DTX1: variants seen among roughly 807,000 people sequenced by gnomAD.
DTX1 encodes E3 ubiquitin-protein ligase DTX1.
A neutral mutation model predicts 57.8 loss-of-function variants in DTX1; 26 were observed. That is an observed-to-expected ratio of 0.45 (90% CI 0.33 to 0.62). The LOEUF (loss-of-function observed/expected upper bound fraction) is 0.62. Among genes scored for constraint, DTX1 ranks in the 20% least tolerant of loss-of-function variants. The pLI is 0.02. For synonymous variants in DTX1, 398 were observed against 394.1 expected (o/e 1.01, Z -0.12); for missense variants, 704 against 895.3 (o/e 0.79, Z 2.73).
chr12:113,069,795 A>G lies in DTX1; in HGVS notation c.260-7629A>G, dbSNP rs569556489. Among the ~76,000 whole-genome samples the G allele has an allele frequency of 2.6e-5, 4 of 152,292 alleles. No homozygotes were observed. The East Asian group carries it at 7.7e-4, about 29-fold the overall frequency. On this transcript the variant is annotated intron_variant, in intron 2 of 9. Coordinates refer to ENST00000548759, the MANE Select transcript of DTX1 (RefSeq NM_004416.3). ...TGGGAGATGATGTGTGTGAGCCCCT[A>G]GCACAGTTGCTGGCACTGCGGAGCA...
chr12:113,093,437 A>AGCC lies in DTX1; in HGVS notation c.1004-102_1004-101insGCC. The AGCC allele has an allele frequency of 5.4e-5, 30 of 552,054 alleles. No homozygotes were observed. Among genetic ancestry groups the AGCC allele is most frequent in the Middle Eastern group, 5.6e-4 (1 of 1,780 alleles). 34.2% of individuals were successfully genotyped at this position (552,054 alleles called of 1,614,324 possible). On this transcript the variant is annotated intron_variant, in intron 4 of 9. Coordinates refer to ENST00000548759, the MANE Select transcript of DTX1 (RefSeq NM_004416.3). This position sits in a 1 kb window ranked among gnomAD's most constrained non-coding sequence, Gnocchi z 4.2. ...TGAGTGGGTGGGGCCCAAGAGCGCA[A>AGCC]CCCTCCCACCCACCCGAGGGCCCCG...
chr12:113,096,471 A>G (rs1950296062), intron 9 of DTX1, among the ~76,000 whole-genome samples: 1 of 152,020 alleles, frequency 6.6e-6, no homozygotes, highest in Non-Finnish European at 1.5e-5. Flanking sequence ...AAGAAAAAGA[A>G]AAAAAAGAAA....
At position 113,057,906 on chromosome 12, in the gene DTX1, A is replaced by G. The variant is rs1382256630; in HGVS notation, c.-287A>G. 4.5e-6 allele frequency: 2 copies of G among 444,806 alleles called. No individual in the cohort carries two copies. The highest frequency in any genetic ancestry group is 4.1e-5 in the Admixed American group (1 of 24,560). The allele number at this position is 444,806 out of a possible 1,614,324, so 27.6% of individuals were successfully genotyped here. A position where few individuals can be genotyped will look rare whatever the true frequency, so the allele number is the denominator to read the frequency against. ...CCTACCTGAGCCAGCCGAGGGGGCC[A>G]AGGACTTTAGAGCTGTTTCCTCCGG... is the stretch of plus-strand genomic sequence containing the variant. On this transcript the variant is annotated 5_prime_UTR_variant, in exon 2 of 10. Coordinates refer to ENST00000548759, the MANE Select transcript of DTX1 (RefSeq NM_004416.3).
chr12:113,060,843 G>A (rs2044659309), intron 2 of DTX1, among the ~76,000 whole-genome samples: 1 of 152,188 alleles, frequency 6.6e-6, no homozygotes, highest in South Asian at 2.1e-4. Context: ...CTTGCTAGGA[G>A]GTCTGGTGTT....
At chr12:113,086,347 G>T (rs904379234) in intron 3 of DTX1, among the ~76,000 whole-genome samples, 4 of 152,202 alleles carry the variant, frequency 2.6e-5, no homozygotes, top group African/African-American at 7.2e-5. Context: ...CCCTGAGGCA[G>T]AGTGGGTCTG....
rs1402789555 is a variant in DTX1, at chr12:113,093,111, G to T, written c.942-51G>T. ...CAGAAGGCAAGCCAGGTCCCCTGAC[G>T]TCGCTTCGGGGGCTGGAGTCCAGCT... On this transcript the variant is annotated intron_variant, in intron 3 of 9. Transcript: ENST00000548759. The surrounding 1 kb of genome is among the most constrained non-coding windows in gnomAD (Gnocchi z 4.2). 2.6e-6 allele frequency: 4 copies of T among 1,551,904 alleles called. No individual in the cohort carries two copies. The highest frequency in any genetic ancestry group is 1.4e-5 in the African/African-American group (1 of 73,314).
At chr12:113,088,136 A>G (rs1051346374) in intron 3 of DTX1, among the ~76,000 whole-genome samples, 1 of 152,228 alleles carries the variant, frequency 6.6e-6, no homozygotes, top group African/African-American at 2.4e-5. Context: ...TCCAGGACCC[A>G]GTGCCAGCTG....
intron 3 of DTX1, among the ~76,000 whole-genome samples, chr12:113,086,013 A>G (rs2044854166): frequency 6.6e-6 from 1 of 152,208 alleles, no homozygotes; most frequent in Admixed American, 6.5e-5. Flanking sequence ...CACACCTGTA[A>G]TCCCAGCACT....
chr12:113,093,381 C>T lies in DTX1; in HGVS notation c.1003+158C>T. 1.5e-6 allele frequency: 2 copies of T among 1,335,850 alleles called. No individual in the cohort carries two copies. The highest frequency in any genetic ancestry group is 1.5e-5 in the South Asian group (1 of 65,474). 82.7% of individuals were successfully genotyped at this position (1,335,850 alleles called of 1,614,324 possible). A position where few individuals can be genotyped will look rare whatever the true frequency, so the allele number is the denominator to read the frequency against. The stretch of plus-strand genomic sequence containing the variant: ...CAGGACACAGGGCGGGCGTGGCCCG[C>T]AGAAAGGCCCTTCAGGGGCCTTCAA... On this transcript the variant is annotated intron_variant, in intron 4 of 9. Coordinates refer to ENST00000548759, the MANE Select transcript of DTX1 (RefSeq NM_004416.3). This position sits in a 1 kb window ranked among gnomAD's most constrained non-coding sequence, Gnocchi z 4.2.
chr12:113,083,577 C>T (rs1171178958), intron 3 of DTX1, among the ~76,000 whole-genome samples: 3 of 152,208 alleles, frequency 2.0e-5, no homozygotes, highest in Non-Finnish European at 4.4e-5. Flanking sequence ...CCACCCACCT[C>T]GGCCTCCCGA....
chr12:113,059,699 C>T (rs189335369), intron 2 of DTX1, among the ~76,000 whole-genome samples: 1 of 152,266 alleles, frequency 6.6e-6, no homozygotes, highest in Admixed American at 6.5e-5. Context: ...GGGGAAGTTC[C>T]TATGAATCCC....
chr12:113,066,523 G>A (rs1298430788), intron 2 of DTX1, among the ~76,000 whole-genome samples: 22 of 146,098 alleles, frequency 1.5e-4, no homozygotes, highest in Non-Finnish European at 2.8e-4. Context: ...GTGAGACTCC[G>A]TCTCAAAAAA....
chr12:113,063,664 C>G (rs963780767), intron 2 of DTX1, among the ~76,000 whole-genome samples: 1 of 152,270 alleles, frequency 6.6e-6, no homozygotes, highest in Admixed American at 6.5e-5. Context: ...TGCCCCCAAG[C>G]TGGCCAACAG....
Position 113,094,951 on chromosome 12 carries a change from G to A in DTX1, c.1386+4G>A. The A allele has an allele frequency of 6.2e-7, 1 of 1,611,962 alleles. No homozygotes were observed. The highest frequency in any genetic ancestry group is 8.5e-7 in the Non-Finnish European group (1 of 1,178,422). On this transcript the variant is annotated splice_donor_region_variant and intron_variant, in intron 7 of 9. Transcript: ENST00000548759. ...CATGTACTCCAATGGCAACAAGGTG[G>A]GTTGGGCGGGACAATGGCTGAGGAG...
At position 113,076,535 on chromosome 12, in the gene DTX1, G is replaced by A. The variant is rs560118595; in HGVS notation, c.260-889G>A. ...TCTCAGCACTTTGGGAGGCCAAGGC[G>A]GTTGGATTGCTTGAGCCGAAGAGTT... On this transcript the variant is annotated intron_variant, in intron 2 of 9. Transcript: ENST00000548759. Among the ~76,000 whole-genome samples, 218 of 151,738 alleles carry A rather than the reference G, an allele frequency of 1.4e-3. 6 individuals are homozygous for A. The South Asian group carries it at 0.02, about 14-fold the overall frequency.
At position 113,058,196 on chromosome 12, in the gene DTX1, T is replaced by C. The variant is rs1376411592; in HGVS notation, c.4T>C (p.Ser2Pro). 1 of 1,600,654 alleles carries C rather than the reference T, an allele frequency of 6.2e-7. No individual in the cohort carries two copies. Among genetic ancestry groups the C allele is most frequent in the Non-Finnish European group, 8.5e-7 (1 of 1,172,376 alleles). M[S>P]RPGHGGLMPV... ...GGCCCCTGAGGCAGTGGCGGCCATG[T>C]CACGGCCAGGCCACGGTGGGCTGAT... Residue 2 changes from serine to proline, a missense_variant, in exon 2 of 10, where the codon TCA (serine) becomes CCA (proline). Around this residue, in one of 3 missense-constraint regions of DTX1, gnomAD observed 237 missense variants for 328.6 expected, o/e 0.72. Transcript: ENST00000548759.
rs958464434 is a variant in DTX1 at position 113,093,925 on chromosome 12, G to A, written c.1166-113G>A. On this transcript the variant is annotated intron_variant, in intron 5 of 9. Transcript: ENST00000548759. This position sits in a 1 kb window ranked among gnomAD's most constrained non-coding sequence, Gnocchi z 4.2. ...GGCCAACCCTTGCCAGCCTGACCCCGGCCAACCCTTGCCAGCCTGACCCCT... is the reference window on the plus strand; with the variant it reads ...GGCCAACCCTTGCCAGCCTGACCCCAGCCAACCCTTGCCAGCCTGACCCCT... 11 of 1,491,440 alleles carry A rather than the reference G, an allele frequency of 7.4e-6. No homozygotes were observed. The highest frequency in any genetic ancestry group is 2.8e-5 in the African/African-American group (2 of 71,846). The allele number at this position is 1,491,440 out of a possible 1,614,324, so 92.4% of individuals were successfully genotyped here.
chr12:113,093,441 TCCCA>T lies in DTX1; in HGVS notation c.1004-90_1004-87del. 1 of 478,254 alleles carries T rather than the reference TCCCA, an allele frequency of 2.1e-6. No homozygotes were observed. The highest frequency in any genetic ancestry group is 3.4e-6 in the Non-Finnish European group (1 of 295,470). 29.6% of individuals were successfully genotyped at this position (478,254 alleles called of 1,614,324 possible). Reference sequence around the variant, plus strand: ...TGGGTGGGGCCCAAGAGCGCAACCCTCCCACCCACCCGAGGGCCCCGGGATTCCC... The same window carrying T: ...TGGGTGGGGCCCAAGAGCGCAACCCTCCCACCCGAGGGCCCCGGGATTCCC... On this transcript the variant is annotated intron_variant, in intron 4 of 9. Transcript: ENST00000548759. This position sits in a 1 kb window ranked among gnomAD's most constrained non-coding sequence, Gnocchi z 4.2.
At chr12:113,061,104 T>C (rs1351845002) in intron 2 of DTX1, among the ~76,000 whole-genome samples, 1 of 152,218 alleles carries the variant, frequency 6.6e-6, no homozygotes, top group African/African-American at 2.4e-5. Flanking sequence ...ACCCCTTTTA[T>C]GGTTCAGCCT....
Sources: allele counts gnomAD v4.1 joint callset (sites outside exome capture counted in the v4.1 genomes callset), GRCh38; gene constraint gnomAD v4.1.1; regional missense constraint gnomAD v4.1.1; non-coding constraint Gnocchi (gnomAD v3.1); transcripts MANE v1.5; gene names NCBI Gene and HGNC (gene_info 2026-07-23, HGNC 2026-07-21).